Variants in TBL1X observed in about 807,000 individuals in gnomAD.
The protein encoded by TBL1X is F-box-like/WD repeat-containing protein TBL1X.
In TBL1X, 10 loss-of-function variants were observed where a neutral mutation model predicts 50.7. The ratio of observed to expected loss-of-function variants is 0.20; its 90% CI spans 0.12 to 0.33. TBL1X has a LOEUF of 0.33. Among genes scored for constraint, TBL1X ranks in the 10% least tolerant of loss-of-function variants. The pLI is 1.00. For missense variants in TBL1X, 340 were observed against 504.4 expected (o/e 0.67, Z 3.12); for synonymous variants, 190 against 214.7 (o/e 0.88, Z 1.01).
intron 3 of TBL1X, among the ~76,000 whole-genome samples, chrX:9,649,532 G>T (rs1204455809): frequency 8.9e-6 from 1 of 112,359 alleles, no homozygotes; most frequent in Non-Finnish European, 1.9e-5. Context: ...TGATCAGAAA[G>T]CAGAAAGCCA....
At chrX:9,470,296 G>A (rs2081805462) in intron 1 of TBL1X, among the ~76,000 whole-genome samples, 4 of 112,467 alleles carry the variant, frequency 3.6e-5, no homozygotes, top group East Asian at 2.8e-4. Context: ...ATTTTGAGAC[G>A]GAGTCTCACT....
intron 6 of TBL1X, among the ~76,000 whole-genome samples, chrX:9,684,823 G>A (rs767780928): frequency 6.7e-4 from 75 of 112,006 alleles, no homozygotes; most frequent in African/African-American, 2.4e-3. Context: ...CTGGGCTTCG[G>A]AGTGGACGTT....
At chrX:9,533,017 G>T (rs890474050) in intron 2 of TBL1X, among the ~76,000 whole-genome samples, 2 of 111,471 alleles carry the variant, frequency 1.8e-5, no homozygotes, top group African/African-American at 6.5e-5. Flanking sequence ...GCCAGCACAG[G>T]GTTTCTTCTG....
At position 9,546,803 on chromosome X, in the gene TBL1X, A is replaced by ATTTTTTTTTTTT. The variant is rs774181046; in HGVS notation, c.-131+44976_-131+44987dup. 5.3e-4 allele frequency among the ~76,000 whole-genome samples: 24 copies of ATTTTTTTTTTTT among 44,987 alleles called. 1 individual carries two copies. The highest frequency in any genetic ancestry group is 2.4e-3 in the East Asian group (3 of 1,270). 39.1% of individuals were successfully genotyped at this position (44,987 alleles called of 115,157 possible). A position where few individuals can be genotyped will look rare whatever the true frequency, so the allele number is the denominator to read the frequency against. ...ATCACTATGGATTCATTTATTCTTA[A>ATTTTTTTTTTTT]TTTTTTTTTTTTTTTTTTTTTTTTT... On this transcript the variant is annotated intron_variant, in intron 2 of 17. Transcript: ENST00000645353.
intron 2 of TBL1X, chrX:9,639,955 A>T (rs2082766838): frequency 8.9e-6 from 1 of 112,454 alleles, no homozygotes; most frequent in South Asian, 3.6e-4. Context: ...AATTAATTTA[A>T]ATCTTTAAAT....
At chrX:9,671,801 A>C (rs2082961911) in intron 5 of TBL1X, among the ~76,000 whole-genome samples, 1 of 112,366 alleles carries the variant, frequency 8.9e-6, no homozygotes, top group Non-Finnish European at 1.9e-5. Context: ...TAACTGTGCT[A>C]GTTGCAAACA....
At chrX:9,466,739 T>C (rs2081777703) in intron 1 of TBL1X, among the ~76,000 whole-genome samples, 1 of 112,170 alleles carries the variant, frequency 8.9e-6, no homozygotes, top group Non-Finnish European at 1.9e-5. Flanking sequence ...TTACAAGTCC[T>C]TCCTAGAAAA....
intron 2 of TBL1X, among the ~76,000 whole-genome samples, chrX:9,550,493 CGAAA>C (rs1278474884): frequency 1.8e-5 from 2 of 111,637 alleles, no homozygotes; most frequent in Non-Finnish European, 3.8e-5. Flanking sequence ...GTAAAGCTCC[CGAAA>C]GAAAGCAACT....
chrX:9,494,168 G>A (rs896186056), intron 1 of TBL1X, among the ~76,000 whole-genome samples: 1 of 111,600 alleles, frequency 9.0e-6, no homozygotes, highest in Admixed American at 9.5e-5. Flanking sequence ...GCACCACAGC[G>A]GATTTGTATA....
chrX:9,610,029 C>T (rs1196389643), intron 2 of TBL1X, among the ~76,000 whole-genome samples: 1 of 112,750 alleles, frequency 8.9e-6, no homozygotes, highest in East Asian at 2.8e-4. Context: ...GGTCCATTAG[C>T]CTCCTGGCCT....
At chrX:9,472,697 A>C (rs1183405958) in intron 1 of TBL1X, among the ~76,000 whole-genome samples, 1 of 110,331 alleles carries the variant, frequency 9.1e-6, no homozygotes, top group Admixed American at 9.7e-5. Flanking sequence ...GCAGATCACG[A>C]GGTCAGGAGA....
chrX:9,477,281 G>A (rs1231165945), intron 1 of TBL1X, among the ~76,000 whole-genome samples: 1 of 112,227 alleles, frequency 8.9e-6, no homozygotes, highest in East Asian at 2.8e-4. Context: ...TTCGTAGTTT[G>A]CTATCTAAGA....
chrX:9,593,766 C>T (rs1307190652), intron 2 of TBL1X, among the ~76,000 whole-genome samples: 2 of 111,489 alleles, frequency 1.8e-5, no homozygotes, highest in Middle Eastern at 9.2e-3. Context: ...CTTTCATTTC[C>T]GTGGCCAGCC....
Position 9,617,216 on chromosome X carries a change from GCC to G in TBL1X, c.-130-23056_-130-23055del, listed in dbSNP as rs200516189. Among the ~76,000 whole-genome samples, 950 of 111,755 alleles carry G rather than the reference GCC, an allele frequency of 8.5e-3. 9 individuals carry two copies. The highest frequency in any genetic ancestry group is 0.035 in the East Asian group (122 of 3,536). Reference sequence around the variant, plus strand: ...TTGGGCCACGGCATTTCAAAGAGATGCCTTATAAGTCCTGAGCCCATTGTGCG... The same window carrying G: ...TTGGGCCACGGCATTTCAAAGAGATGTTATAAGTCCTGAGCCCATTGTGCG... On this transcript the variant is annotated intron_variant, in intron 2 of 17. Transcript: ENST00000645353.
chrX:9,605,047 AG>A (rs766733548), intron 2 of TBL1X, among the ~76,000 whole-genome samples: 1 of 110,909 alleles, frequency 9.0e-6, no homozygotes, highest in African/African-American at 3.3e-5. Context: ...TCAGAGTGTT[AG>A]GGGAAGCCTT....
intron 2 of TBL1X, among the ~76,000 whole-genome samples, chrX:9,614,538 GAGAC>G (rs1295018292): frequency 9.0e-6 from 1 of 111,571 alleles, no homozygotes; most frequent in African/African-American, 3.3e-5. Flanking sequence ...TCTAGCCTGG[GAGAC>G]AGAGCAAGAC....
At chrX:9,531,354 GGTGTGTGTGTGTGTGTGTGTGTGT>G (rs57905343) in intron 2 of TBL1X, among the ~76,000 whole-genome samples, 3 of 75,225 alleles carry the variant, frequency 4.0e-5, no homozygotes, top group African/African-American at 1.4e-4. Context: ...GAACCTGGAG[GGTGTGTGTGTGTGTGTGTGTGTGT>G]GTGTGTGTGT....
intron 5 of TBL1X, among the ~76,000 whole-genome samples, chrX:9,656,078 T>TA (rs1349184718): frequency 8.9e-6 from 1 of 112,504 alleles, no homozygotes; most frequent in East Asian, 2.8e-4. Context: ...AGGAAGTTGG[T>TA]ATACAAAACA....
intron 2 of TBL1X, among the ~76,000 whole-genome samples, chrX:9,603,960 A>T (rs1297697001): frequency 9.0e-6 from 1 of 111,389 alleles, no homozygotes; most frequent in Non-Finnish European, 1.9e-5. Flanking sequence ...ATGTTAGATT[A>T]TGGCTCCACC....
Sources: allele counts gnomAD v4.1 joint callset (sites outside exome capture counted in the v4.1 genomes callset), GRCh38; gene constraint gnomAD v4.1.1; transcripts MANE v1.5; gene names NCBI Gene and HGNC (gene_info 2026-07-23, HGNC 2026-07-21).